ANKFN1: variants seen among roughly 807,000 people sequenced by gnomAD.
The protein encoded by ANKFN1 is ankyrin repeat and fibronectin type III domain containing 1.
A neutral mutation model predicts 108.7 loss-of-function variants in ANKFN1; 74 were observed. The observed-to-expected ratio is 0.68, with a 90% CI of 0.56 to 0.83. The LOEUF (loss-of-function observed/expected upper bound fraction) is 0.83. Among genes scored for constraint, ANKFN1 ranks in the 40% least tolerant of loss-of-function variants. The probability of loss-of-function intolerance (pLI) is 0.00; values close to 1 mark genes in which losing one functional copy is unlikely to be tolerated. For synonymous variants in ANKFN1, 547 were observed against 516.2 expected (o/e 1.06, Z -0.81); for missense variants, 1,505 against 1,382.3 (o/e 1.09, Z -1.41).
chr17:56,304,810 A>G (rs776857960), intron 3 of ANKFN1, among the ~76,000 whole-genome samples: 10 of 152,210 alleles, frequency 6.6e-5, no homozygotes, highest in Non-Finnish European at 8.8e-5. Context: ...TTTATTTAAA[A>G]TGCTTGTTGC....
At chr17:56,387,968 C>CT (rs1008213639) in intron 8 of ANKFN1, among the ~76,000 whole-genome samples, 7 of 151,686 alleles carry the variant, frequency 4.6e-5, no homozygotes, top group African/African-American at 1.7e-4. Context: ...ATATAGGGGA[C>CT]TTTTTTTTAA....
chr17:56,167,318 C>CATATAT lies in ANKFN1; in HGVS notation c.-71+13807_-71+13812dup, dbSNP rs72496812. Among the ~76,000 whole-genome samples the CATATAT allele has an allele frequency of 8.1e-3, 1,077 of 133,216 alleles. 5 individuals are homozygous for CATATAT. The highest frequency in any genetic ancestry group is 9.5e-3 in the Non-Finnish European group (603 of 63,366). 87.4% of individuals were successfully genotyped at this position (133,216 alleles called of 152,430 possible). On this transcript the variant is annotated intron_variant, in intron 1 of 20. Transcript: ENST00000682825. ...ACATACATATATACACACACACACA[C>CATATAT]ATATATATATATATATATATATATG... is the stretch of plus-strand genomic sequence containing the variant.
At chr17:56,059,865 T>A (rs924435586) in intron 4 of ANKFN1, among the ~76,000 whole-genome samples, 1 of 152,226 alleles carries the variant, frequency 6.6e-6, no homozygotes, top group Admixed American at 6.5e-5. Context: ...GGTAGCATGA[T>A]GCCTCCAGCT....
intron 11 of ANKFN1, 37 bp from the exon 12 acceptor site, chr17:56,456,824 G>A (rs2049721250): frequency 6.4e-7 from 1 of 1,564,696 alleles, no homozygotes; most frequent in East Asian, 2.2e-5. Flanking sequence ...GATCTGCCCA[G>A]TGGAATTTAT....
At chr17:56,268,991 C>G (rs953624677) in intron 3 of ANKFN1, among the ~76,000 whole-genome samples, 3 of 152,272 alleles carry the variant, frequency 2.0e-5, no homozygotes, top group Non-Finnish European at 1.5e-5. Flanking sequence ...ATTTCCACTG[C>G]TAAGAATGCA....
intron 7 of ANKFN1, 149 bp downstream of exon 7, chr17:56,372,989 G>A (rs990375287): frequency 1.3e-6 from 1 of 783,160 alleles, no homozygotes; most frequent in Non-Finnish European, 2.0e-6. Flanking sequence ...CTGAGAGGCT[G>A]TCAAAGGGTC....
chr17:56,429,889 G>T (rs981903434), intron 8 of ANKFN1, among the ~76,000 whole-genome samples: 1 of 152,162 alleles, frequency 6.6e-6, no homozygotes, highest in Non-Finnish European at 1.5e-5. Context: ...GAAATATGTT[G>T]TGCTGGTAGA....
chr17:56,397,919 C>T (rs1651680638), intron 8 of ANKFN1, among the ~76,000 whole-genome samples: 1 of 152,106 alleles, frequency 6.6e-6, no homozygotes, highest in Admixed American at 6.6e-5. Flanking sequence ...GGTTTTCAAA[C>T]ATCTATAGAA....
At chr17:56,137,692 G>T (rs1291178894) in intron 4 of ANKFN1, among the ~76,000 whole-genome samples, 1 of 152,098 alleles carries the variant, frequency 6.6e-6, no homozygotes, top group African/African-American at 2.4e-5. Context: ...AAGGGAAAGA[G>T]AATCAAAAGT....
intron 3 of ANKFN1, among the ~76,000 whole-genome samples, chr17:56,243,638 C>A (rs1420309487): frequency 6.6e-6 from 1 of 152,090 alleles, no homozygotes; most frequent in African/African-American, 2.4e-5. Flanking sequence ...CTCCCTAATT[C>A]TAGTCCTTCC....
intron 6 of ANKFN1, among the ~76,000 whole-genome samples, chr17:56,354,947 C>T (rs2046336230): frequency 1.3e-5 from 2 of 151,950 alleles, no homozygotes; most frequent in Non-Finnish European, 2.9e-5. Flanking sequence ...GGATATATAC[C>T]CAGTAGTGGG....
intron 3 of ANKFN1, among the ~76,000 whole-genome samples, chr17:56,296,143 A>G (rs989317972): frequency 6.6e-6 from 1 of 152,066 alleles, no homozygotes; most frequent in South Asian, 2.1e-4. Flanking sequence ...TGATAACTCT[A>G]AGTCCCTTCC....
chr17:56,452,917 G>A (rs2049542210), intron 11 of ANKFN1, among the ~76,000 whole-genome samples: 1 of 152,120 alleles, frequency 6.6e-6, no homozygotes, highest in South Asian at 2.1e-4. Flanking sequence ...AAATGGCTCT[G>A]TGCTTCATTT....
At chr17:56,142,447 C>T (rs1391573026) in intron 4 of ANKFN1, among the ~76,000 whole-genome samples, 1 of 152,182 alleles carries the variant, frequency 6.6e-6, no homozygotes, top group Admixed American at 6.5e-5. Context: ...TCTTTTGCAA[C>T]ACATAACATT....
intron 3 of ANKFN1, among the ~76,000 whole-genome samples, chr17:56,244,815 T>C (rs956860537): frequency 6.6e-6 from 1 of 152,130 alleles, no homozygotes; most frequent in Non-Finnish European, 1.5e-5. Flanking sequence ...CTCAGTAAAA[T>C]AGAGAATTTA....
chr17:56,386,242 G>T (rs1487051660), intron 8 of ANKFN1, among the ~76,000 whole-genome samples: 1 of 151,370 alleles, frequency 6.6e-6, no homozygotes, highest in Admixed American at 6.6e-5. Context: ...AACACCATAT[G>T]TTCTCACTCA....
At chr17:56,184,456 T>C (rs1911997177) in intron 1 of ANKFN1, among the ~76,000 whole-genome samples, 1 of 152,206 alleles carries the variant, frequency 6.6e-6, no homozygotes, top group African/African-American at 2.4e-5. Context: ...CACAGTATAT[T>C]GTGAATATAA....
chr17:56,055,557 G>GTATATATAGATA (rs1555588755), intron 4 of ANKFN1, among the ~76,000 whole-genome samples: 1 of 20,952 alleles, frequency 4.8e-5, no homozygotes, highest in Non-Finnish European at 9.8e-5. Flanking sequence ...TGTGTGTGTG[G>GTATATATAGATA]TATATATACA....
intron 4 of ANKFN1, among the ~76,000 whole-genome samples, chr17:56,077,121 G>A (rs1276853664): frequency 1.3e-5 from 2 of 152,190 alleles, no homozygotes; most frequent in Non-Finnish European, 2.9e-5. Flanking sequence ...GTGTGAGGCA[G>A]GTAGATAATA....
Sources: allele counts gnomAD v4.1 joint callset (sites outside exome capture counted in the v4.1 genomes callset), GRCh38; gene constraint gnomAD v4.1.1; transcripts MANE v1.5; gene names NCBI Gene and HGNC (gene_info 2026-07-23, HGNC 2026-07-21).